CPZ: variants seen among roughly 807,000 people sequenced by gnomAD.
The protein encoded by CPZ is carboxypeptidase Z.
Under a neutral mutation model 61.8 loss-of-function variants are expected in CPZ, and 103 were observed. That is an observed-to-expected ratio of 1.67 (90% CI 1.42 to 1.96). CPZ has a LOEUF of 1.96. CPZ is among the 30% of genes most tolerant of loss of function. The pLI is 0.00. For synonymous variants in CPZ, 551 were observed against 373.7 expected, an observed-to-expected ratio of 1.47 and a Z score of -5.47; for missense variants, 1,461 against 914.9, an observed-to-expected ratio of 1.60 and a Z score of -7.70.
At chr4:8,599,538 C>T (rs1485409913) in intron 2 of CPZ, 53 bp downstream of exon 2, 1 of 1,607,082 alleles carries the variant, frequency 6.2e-7, no homozygotes, top group African/African-American at 1.3e-5. Context: ...CTGCAGCCCC[C>T]ACACTGTCAG....
intron 1 of CPZ, among the ~76,000 whole-genome samples, chr4:8,593,743 C>A (rs1040334377): frequency 6.6e-6 from 1 of 152,130 alleles, no homozygotes; most frequent in Admixed American, 6.5e-5. Flanking sequence ...ACTGCCTGAG[C>A]CCTGCGAGTG....
At chr4:8,596,350 G>C (rs191716695) in intron 1 of CPZ, among the ~76,000 whole-genome samples, 2 of 152,238 alleles carry the variant, frequency 1.3e-5, no homozygotes, top group African/African-American at 4.8e-5. Flanking sequence ...GCACCCGGCT[G>C]TTGTTGATTT....
At chr4:8,609,605 C>T (rs1171931961) in intron 7 of CPZ, among the ~76,000 whole-genome samples, 1 of 152,186 alleles carries the variant, frequency 6.6e-6, no homozygotes, top group African/African-American at 2.4e-5. Flanking sequence ...AGGTGTCCCC[C>T]TCTGCACAGG....
At chr4:8,612,859 AG>A (rs2109340363) in intron 8 of CPZ, among the ~76,000 whole-genome samples, 1 of 152,352 alleles carries the variant, frequency 6.6e-6, no homozygotes, top group East Asian at 1.9e-4. Context: ...TGGCAGAGCC[AG>A]GACCCACGTG....
chr4:8,594,168 G>A (rs771470390), intron 1 of CPZ, among the ~76,000 whole-genome samples: 5 of 152,166 alleles, frequency 3.3e-5, no homozygotes, highest in Non-Finnish European at 7.4e-5. Context: ...CCGTGGCATC[G>A]GCAAGTGTTT....
intron 7 of CPZ, chr4:8,611,278 G>A: frequency 2.2e-6 from 1 of 456,258 alleles, no homozygotes. Context: ...AGGTCAGTCT[G>A]GGACTTACAG....
At chr4:8,599,638 C>T (rs1350658463) in intron 2 of CPZ, 153 bp downstream of exon 2, 2 of 1,456,632 alleles carry the variant, frequency 1.4e-6, no homozygotes, top group South Asian at 1.4e-5. Flanking sequence ...CGTAAACAGC[C>T]AGAGAAAAAT....
At chr4:8,600,962 G>A (rs1651630826) in intron 2 of CPZ, 161 bp from the exon 3 acceptor site, 2 of 1,378,124 alleles carry the variant, frequency 1.5e-6, no homozygotes, top group Non-Finnish European at 1.9e-6. Flanking sequence ...CACAGGCTCT[G>A]ATTCCTGCAC....
In CPZ at chr4:8,612,070, T is replaced by C. The variant is rs773195281; in HGVS notation, c.1271T>C (p.Met424Thr). The change falls in exon 8 of 11, where the codon ATG (methionine) becomes ACG (threonine). Residue 424 changes from methionine (M) to threonine (T), a missense_variant. By Grantham distance (81) the Met-to-Thr change is moderately conservative. Transcript: ENST00000360986. ...AGAGCCTACGCTGACGTCCACCCCA[T>C]GATGATGGACAGGTCGGAGAATAGG... ...LSRAYADVHP[M>T]MMDRSENRCG... 4 of 1,613,614 alleles carry C rather than the reference T, an allele frequency of 2.5e-6. No individual in the cohort carries two copies. The South Asian group carries it at 4.4e-5, about 18-fold the overall frequency.
In CPZ at chr4:8,606,667, G is replaced by A. The variant is rs1715035978; in HGVS notation, c.907-70G>A. On this transcript the variant is annotated intron_variant, in intron 5 of 10. Transcript: ENST00000360986. ...CTGGCCTTGACCCTCAGCCCAGCGT[G>A]AGACCCATCTGGAAGGAGGAGGGTG... The A allele has an allele frequency of 4.4e-6, 7 of 1,592,622 alleles. No homozygotes were observed. In the Admixed American group the frequency reaches 1.0e-4, roughly 23 times the overall value.
At chr4:8,612,606 G>T (rs1049772298) in intron 8 of CPZ, among the ~76,000 whole-genome samples, 3 of 152,242 alleles carry the variant, frequency 2.0e-5, no homozygotes, top group African/African-American at 7.2e-5. Context: ...TACTACAATT[G>T]TATCTGTGGT....
intron 3 of CPZ, chr4:8,603,167 A>G (rs1211703396): frequency 1.3e-5 from 2 of 152,258 alleles, no homozygotes; most frequent in African/African-American, 2.4e-5. Flanking sequence ...AGAGGAGCAC[A>G]TTAACTCTCT....
chr4:8,611,688 C>G (rs1371086537), intron 7 of CPZ, among the ~76,000 whole-genome samples: 2 of 152,182 alleles, frequency 1.3e-5, no homozygotes, highest in African/African-American at 2.4e-5. Context: ...TCAAGCCAAC[C>G]TGCACACACC....
chr4:8,607,545 G>T (rs1715144501), intron 7 of CPZ, 120 bp downstream of exon 7: 1 of 1,221,120 alleles, frequency 8.2e-7, no homozygotes, highest in Admixed American at 2.4e-5. Flanking sequence ...TCTACTCAGA[G>T]CGGGTCAGCA....
At chr4:8,612,211 G>GGGGGGC in intron 8 of CPZ, 49 bp downstream of exon 8, 1 of 215,366 alleles carries the variant, frequency 4.6e-6, no homozygotes, top group Non-Finnish European at 8.4e-6. Flanking sequence ...GGGTGCAGGG[G>GGGGGGC]CTGGGTGGGG....
chr4:8,607,369 G>A lies in CPZ; in HGVS notation c.1171G>A (p.Asp391Asn), dbSNP rs144181545. Residue 391 changes from aspartate (D) to asparagine (N), a missense_variant, in exon 7 of 11, where the codon GAC becomes AAC. By Grantham distance (23) the Asp-to-Asn change is conservative (BLOSUM62 1). Transcript: ENST00000360986. ...GGDLVVSYPF[D>N]FSKHPQEEKM... ...CGACCTGGTGGTGTCCTACCCCTTC[G>A]ACTTCTCCAAGCACCCCCAGGAGGA... The A allele has an allele frequency of 1.4e-5, 23 of 1,614,072 alleles. No individual in the cohort carries two copies. Among genetic ancestry groups the A allele is most frequent in the Non-Finnish European group, 1.9e-5 (23 of 1,179,976 alleles).
chr4:8,601,154 C>T lies in CPZ; in HGVS notation c.153C>T (p.Cys51=), dbSNP rs1024354847. 6.3e-7 allele frequency: 1 copy of T among 1,593,000 alleles called. No homozygotes were observed. The highest frequency in any genetic ancestry group is 8.6e-7 in the Non-Finnish European group (1 of 1,165,766). ...GCGTGGACCTGCAGCTCAGGACCTG[C>T]AGCGATGCCGCCTACAACCACACCA... ...ATCVDLQLRT[C]SDAAYNHTTF... Residue 51 remains cysteine (C), a synonymous_variant, in exon 3 of 11, where the codon TGC becomes TGT. Coordinates refer to ENST00000360986, the MANE Select transcript of CPZ (RefSeq NM_001014447.3).
At position 8,619,461 on chromosome 4, in the gene CPZ, C is replaced by T. The variant is rs144420459; in HGVS notation, c.1803C>T (p.His601=). Residue 601 remains histidine (H), a synonymous_variant, in exon 11 of 11, where the codon CAC becomes CAT. Coordinates refer to ENST00000360986, the MANE Select transcript of CPZ (RefSeq NM_001014447.3). ...FIHGLRRTGP[H]DPLGGASSLG... Reference sequence around the variant, plus strand: ...ATGGGCTGCGGAGGACTGGGCCCCACGACCCACTGGGAGGTGCCAGCTCTT... The same window carrying T: ...ATGGGCTGCGGAGGACTGGGCCCCATGACCCACTGGGAGGTGCCAGCTCTT... 2.4e-5 allele frequency: 38 copies of T among 1,611,668 alleles called. No homozygotes were observed. The highest frequency in any genetic ancestry group is 1.9e-4 in the African/African-American group (14 of 75,010).
In CPZ at chr4:8,601,190, C is replaced by A. The variant is rs747350026; in HGVS notation, c.189C>A (p.Asn63Lys). 1.1e-5 allele frequency: 18 copies of A among 1,611,944 alleles called. No homozygotes were observed. The East Asian group carries it at 3.1e-4, about 28-fold the overall frequency. The part of the protein sequence containing the change: ...DAAYNHTTFP[N>K]LLQHRSWEVV... Reference sequence around the variant, plus strand: ...CCTACAACCACACCACCTTCCCCAACCTGCTTCAGCACCGGTCGTGGGAGG... The same window carrying A: ...CCTACAACCACACCACCTTCCCCAAACTGCTTCAGCACCGGTCGTGGGAGG... The change falls in exon 3 of 11, where the codon AAC becomes AAA. Residue 63 changes from asparagine (N) to lysine (K), a missense_variant. Coordinates refer to ENST00000360986, the MANE Select transcript of CPZ (RefSeq NM_001014447.3).
Sources: allele counts gnomAD v4.1 joint callset (sites outside exome capture counted in the v4.1 genomes callset), GRCh38; gene constraint gnomAD v4.1.1; transcripts MANE v1.5; gene names NCBI Gene and HGNC (gene_info 2026-07-23, HGNC 2026-07-21).